Variants in HELZ observed in about 807,000 individuals in gnomAD.
The protein encoded by HELZ is ATP-dependent RNA helicase with zinc finger domain.
In HELZ, 23 loss-of-function variants were observed where a neutral mutation model predicts 218.2. The observed-to-expected ratio is 0.11, with a 90% confidence interval of 0.08 to 0.15. HELZ has a LOEUF of 0.15. HELZ is among the 10% of genes least tolerant of loss of function. The pLI, the probability that HELZ is intolerant of heterozygous loss-of-function variation, is 1.00. For missense variants in HELZ, 1,813 were observed against 2,353.7 expected, an observed-to-expected ratio of 0.77 and a Z score of 4.75; for synonymous variants, 814 against 829.4, an observed-to-expected ratio of 0.98 and a Z score of 0.32.
In HELZ at chr17:67,115,302, A is replaced by T. The variant is rs1378773463; in HGVS notation, c.3839-899T>A. On this transcript the variant is annotated intron_variant, in intron 27 of 32. Coordinates refer to ENST00000358691, the MANE Select transcript of HELZ (RefSeq NM_014877.4). ...AAGAATGTTAAAAAAATTAGCACCC[A>T]TAAACTGTGCAAAAACTTTAAGCAT... Among the ~76,000 whole-genome samples the T allele has an allele frequency of 3.3e-5, 5 of 152,242 alleles. No individual in the cohort carries two copies. The East Asian group carries it at 5.8e-4, about 18-fold the overall frequency.
intron 9 of HELZ, 147 bp downstream of exon 9, chr17:67,193,820 G>A (rs1380018626): frequency 7.9e-6 from 5 of 633,978 alleles, no homozygotes; most frequent in African/African-American, 1.8e-5. Flanking sequence ...CATCAATATG[G>A]TTTTGACTTT....
At chr17:67,244,001 C>T (rs1598497086) in intron 1 of HELZ, 162 bp from the exon 2 acceptor site, 1 of 984,922 alleles carries the variant, frequency 1.0e-6, no homozygotes, top group South Asian at 4.7e-5. Context: ...GGTTTTTGAC[C>T]TTAAAACATT....
At chr17:67,218,464 T>A in intron 4 of HELZ, 131 bp downstream of exon 4, 1 of 734,026 alleles carries the variant, frequency 1.4e-6, no homozygotes, top group Admixed American at 2.4e-5. Context: ...TGCCATCAAA[T>A]ATATTCAGCA....
chr17:67,186,723 T>C (rs934504188), intron 12 of HELZ, among the ~76,000 whole-genome samples: 5 of 152,208 alleles, frequency 3.3e-5, no homozygotes, highest in Admixed American at 6.5e-5. Flanking sequence ...GTCTGAGTTA[T>C]AAGCCACTAA....
chr17:67,234,932 C>A (rs1192569862), intron 3 of HELZ, among the ~76,000 whole-genome samples: 1 of 152,128 alleles, frequency 6.6e-6, no homozygotes, highest in East Asian at 1.9e-4. Context: ...TCCCTGATAT[C>A]CCCAAGAAGG....
intron 32 of HELZ, among the ~76,000 whole-genome samples, chr17:67,084,064 T>A (rs181028435): frequency 1.6e-4 from 24 of 152,320 alleles, no homozygotes; most frequent in African/African-American, 5.8e-4. Context: ...GTAAGAAGTC[T>A]CTCATGTGAT....
In HELZ at chr17:67,128,896, A is replaced by G. The variant is rs192919950; in HGVS notation, c.3183-41T>C. 232 of 1,385,444 alleles carry G rather than the reference A, an allele frequency of 1.7e-4. 4 individuals carry two copies. In the East Asian group the frequency reaches 5.1e-3, roughly 31 times the overall value. The allele number at this position is 1,385,444 out of a possible 1,614,324, so 85.8% of individuals were successfully genotyped here. On this transcript the variant is annotated intron_variant, in intron 23 of 32. Coordinates refer to ENST00000358691, the MANE Select transcript of HELZ (RefSeq NM_014877.4). ...ACAAGATCAGATTACAATTCAATGG[A>G]TGAGATCACAGAAATGAATATAAAT...
chr17:67,170,750 C>T (rs192954047), intron 13 of HELZ, among the ~76,000 whole-genome samples: 216 of 151,552 alleles, frequency 1.4e-3, no homozygotes, highest in Non-Finnish European at 2.3e-3. Flanking sequence ...TCACTTAAAC[C>T]CAGGAGGTAG....
intron 7 of HELZ, among the ~76,000 whole-genome samples, chr17:67,197,173 G>A (rs985776331): frequency 6.6e-5 from 10 of 152,098 alleles, no homozygotes; most frequent in South Asian, 2.1e-4. Context: ...CCCCCATATC[G>A]TTCTTGTGGT....
intron 18 of HELZ, 73 bp from the exon 19 acceptor site, chr17:67,150,058 C>A: frequency 1.3e-6 from 1 of 750,448 alleles, no homozygotes. Flanking sequence ...TAGTTATTTT[C>A]TTTTCTGCTA....
intron 24 of HELZ, among the ~76,000 whole-genome samples, chr17:67,125,640 T>C (rs1045391577): frequency 3.9e-5 from 6 of 152,076 alleles, no homozygotes; most frequent in Non-Finnish European, 5.9e-5. Flanking sequence ...ACACAGCAAT[T>C]TAATCAGAGT....
chr17:67,084,021 T>A (rs1468622137), intron 32 of HELZ, among the ~76,000 whole-genome samples: 1 of 152,236 alleles, frequency 6.6e-6, no homozygotes, highest in Non-Finnish European at 1.5e-5. Context: ...TAAACAGTTT[T>A]CTTCAAGCTC....
chr17:67,236,407 T>C (rs571706714), intron 3 of HELZ, among the ~76,000 whole-genome samples: 9 of 152,260 alleles, frequency 5.9e-5, no homozygotes, highest in African/African-American at 1.9e-4. Flanking sequence ...CTTAACATAA[T>C]AACACACTCC....
At chr17:67,148,453 G>C in intron 20 of HELZ, 116 bp downstream of exon 20, 2 of 772,358 alleles carry the variant, frequency 2.6e-6, no homozygotes, top group South Asian at 2.6e-5. Context: ...TGCAAGACTA[G>C]GGACACTATG....
At chr17:67,079,955 A>G (rs1243202444) in intron 32 of HELZ, among the ~76,000 whole-genome samples, 3 of 152,038 alleles carry the variant, frequency 2.0e-5, no homozygotes, top group Non-Finnish European at 2.9e-5. Flanking sequence ...AAATATTTTT[A>G]CCTGTTTTGT....
chr17:67,207,024 T>G (rs572376224), intron 5 of HELZ, among the ~76,000 whole-genome samples: 14 of 147,858 alleles, frequency 9.5e-5, no homozygotes, highest in African/African-American at 3.3e-4. Flanking sequence ...GCGACTATCC[T>G]ACCTCAGCCT....
At chr17:67,190,780 G>A (rs143757602) in intron 9 of HELZ, among the ~76,000 whole-genome samples, 1,620 of 152,248 alleles carry the variant, frequency 0.011, 28 homozygotes, top group African/African-American at 0.035. Flanking sequence ...GCGTAATCTC[G>A]ACTCACTGCA....
intron 5 of HELZ, among the ~76,000 whole-genome samples, chr17:67,212,314 C>A (rs867021215): frequency 3.3e-4 from 7 of 21,402 alleles, no homozygotes; most frequent in African/African-American, 6.4e-4. Context: ...GACACCATCT[C>A]AAAAAAAAAA....
At chr17:67,104,072 C>T (rs1273438451) in intron 31 of HELZ, among the ~76,000 whole-genome samples, 1 of 152,116 alleles carries the variant, frequency 6.6e-6, no homozygotes, top group Non-Finnish European at 1.5e-5. Flanking sequence ...CCACCTCACA[C>T]AATATACAAA....
Sources: allele counts gnomAD v4.1 joint callset (sites outside exome capture counted in the v4.1 genomes callset), GRCh38; gene constraint gnomAD v4.1.1; transcripts MANE v1.5; gene names NCBI Gene and HGNC (gene_info 2026-07-23, HGNC 2026-07-21).